The following TRAK1 variants were observed in gnomAD, a reference collection of about 807,000 sequenced individuals.
The protein encoded by TRAK1 is trafficking kinesin-binding protein 1.
In TRAK1, 33 loss-of-function variants were observed where a neutral mutation model predicts 92.1. That is an observed-to-expected ratio of 0.36 (90% CI 0.27 to 0.48). TRAK1 has a LOEUF of 0.48. TRAK1 is among the 20% of genes least tolerant of loss of function. The pLI is 0.99. For synonymous variants in TRAK1, 521 were observed against 517.3 expected (o/e 1.01, Z -0.10); for missense variants, 1,123 against 1,257.9 (o/e 0.89, Z 1.62).
chr3:42,220,845 C>G (rs996136699), intron 15 of TRAK1, among the ~76,000 whole-genome samples: 1 of 152,166 alleles, frequency 6.6e-6, no homozygotes, highest in Admixed American at 6.5e-5. Context: ...TTGTCTCCTC[C>G]GTCTCTCTGC....
chr3:42,050,916 G>C (rs1259205933), intron 1 of TRAK1, among the ~76,000 whole-genome samples: 2 of 152,282 alleles, frequency 1.3e-5, no homozygotes, highest in South Asian at 4.1e-4. Flanking sequence ...GGTCACTTTG[G>C]TGGGAATTAA....
intron 2 of TRAK1, among the ~76,000 whole-genome samples, chr3:42,157,345 AC>A (rs1700653752): frequency 6.7e-6 from 1 of 149,418 alleles, no homozygotes; most frequent in Non-Finnish European, 1.5e-5. Context: ...TGTGGTGCCA[AC>A]TACTTAGGAG....
intron 7 of TRAK1, among the ~76,000 whole-genome samples, chr3:42,191,932 A>G (rs984467269): frequency 5.7e-5 from 6 of 104,568 alleles, no homozygotes; most frequent in South Asian, 3.2e-4. Flanking sequence ...ACAGAGTCTC[A>G]CTCTGTCACC....
intron 1 of TRAK1, among the ~76,000 whole-genome samples, chr3:42,065,677 T>G (rs1703644987): frequency 6.6e-6 from 1 of 152,170 alleles, no homozygotes; most frequent in Non-Finnish European, 1.5e-5. Context: ...TTGTGCAGGC[T>G]GGAGTGCAGT....
intron 2 of TRAK1, among the ~76,000 whole-genome samples, chr3:42,162,609 G>A (rs1190536965): frequency 1.3e-5 from 2 of 152,236 alleles, no homozygotes; most frequent in African/African-American, 4.8e-5. Flanking sequence ...GCACAGCGAT[G>A]CTGTACATAA....
chr3:42,191,566 G>A lies in TRAK1; in HGVS notation c.699G>A (p.Gln233=), dbSNP rs1216233838. The A allele has an allele frequency of 3.8e-6, 6 of 1,595,452 alleles. No individual in the cohort carries two copies. The highest frequency in any genetic ancestry group is 4.3e-6 in the Non-Finnish European group (5 of 1,170,672). Residue 233 remains glutamine (Q), a synonymous_variant, in exon 7 of 16, where the codon CAG becomes CAA. Transcript: ENST00000327628. ...ENVVLRSEAS[Q]LKTETITYEE... ...CTGGGTCTTGTCTACAGGCCAGCCA[G>A]CTGAAGACAGAGACCATCACCTATG...
chr3:42,080,038 T>G (rs1704359004), intron 1 of TRAK1, among the ~76,000 whole-genome samples: 1 of 152,158 alleles, frequency 6.6e-6, no homozygotes, highest in Non-Finnish European at 1.5e-5. Context: ...GGTTGCTCGA[T>G]CCCTTCCTTG....
intron 1 of TRAK1, among the ~76,000 whole-genome samples, chr3:42,057,477 T>C (rs984277980): frequency 1.3e-5 from 2 of 152,154 alleles, no homozygotes; most frequent in African/African-American, 4.8e-5. Flanking sequence ...TGCAGCATGC[T>C]GGAGTAGGGG....
intron 13 of TRAK1, among the ~76,000 whole-genome samples, chr3:42,208,465 G>A (rs1047238796): frequency 3.3e-5 from 5 of 152,062 alleles, no homozygotes; most frequent in Non-Finnish European, 7.4e-5. Context: ...TCACCCCACC[G>A]CCTCCCACCT....
At chr3:42,036,782 G>T (rs1702342563) in intron 1 of TRAK1, among the ~76,000 whole-genome samples, 1 of 152,026 alleles carries the variant, frequency 6.6e-6, no homozygotes, top group Admixed American at 6.6e-5. Context: ...ACAGGGTCTC[G>T]CTCTGTCACC....
At chr3:42,060,510 C>A (rs900781292) in intron 1 of TRAK1, among the ~76,000 whole-genome samples, 1 of 151,680 alleles carries the variant, frequency 6.6e-6, no homozygotes, top group Non-Finnish European at 1.5e-5. Context: ...TTTTTCCAGG[C>A]GTGGTCCCTT....
chr3:42,094,491 G>A (rs375370928), intron 1 of TRAK1, among the ~76,000 whole-genome samples: 15 of 151,952 alleles, frequency 9.9e-5, no homozygotes, highest in African/African-American at 3.1e-4. Context: ...ACTCTCCCAC[G>A]TCCACCTCCC....
chr3:42,140,472 C>T (rs1432276393), intron 2 of TRAK1, among the ~76,000 whole-genome samples: 1 of 152,090 alleles, frequency 6.6e-6, no homozygotes, highest in Non-Finnish European at 1.5e-5. Context: ...ACTAAAAATA[C>T]AAAAATTAGC....
At chr3:42,143,947 C>A (rs758812620) in intron 2 of TRAK1, among the ~76,000 whole-genome samples, 10 of 151,916 alleles carry the variant, frequency 6.6e-5, no homozygotes, top group Non-Finnish European at 1.5e-4. Context: ...GTAAAAATCA[C>A]CCCTAAATGA....
chr3:42,054,638 C>T (rs1703121654), intron 1 of TRAK1, among the ~76,000 whole-genome samples: 1 of 152,234 alleles, frequency 6.6e-6, no homozygotes, highest in South Asian at 2.1e-4. Context: ...CTTTTACCAC[C>T]ATCGTACTTG....
chr3:42,194,267 T>TG (rs1332525204), intron 9 of TRAK1, among the ~76,000 whole-genome samples: 2 of 152,218 alleles, frequency 1.3e-5, no homozygotes, highest in Admixed American at 6.5e-5. Flanking sequence ...CTTTTTGAGA[T>TG]GGGGTCTCAT....
At chr3:42,065,027 A>T (rs1703619369) in intron 1 of TRAK1, among the ~76,000 whole-genome samples, 1 of 152,214 alleles carries the variant, frequency 6.6e-6, no homozygotes, top group African/African-American at 2.4e-5. Context: ...CAGTGAGCTG[A>T]GGTCGCGCCA....
intron 2 of TRAK1, among the ~76,000 whole-genome samples, chr3:42,164,148 A>G (rs140862273): frequency 6.6e-6 from 1 of 152,186 alleles, no homozygotes; most frequent in African/African-American, 2.4e-5. Flanking sequence ...TCCTGAGTTC[A>G]CAGGAAGCCA....
At chr3:42,020,613 T>C (rs1478157315) in intron 1 of TRAK1, among the ~76,000 whole-genome samples, 1 of 152,234 alleles carries the variant, frequency 6.6e-6, no homozygotes, top group Non-Finnish European at 1.5e-5. Flanking sequence ...ATGAACTAAG[T>C]GTATAAGTAC....
Sources: gnomAD v4.1 joint callset for allele counts (sites outside exome capture counted in the v4.1 genomes callset) on GRCh38, gnomAD v4.1.1 for gene constraint, MANE v1.5 for transcripts, NCBI Gene and HGNC (gene_info 2026-07-23, HGNC 2026-07-21) for gene names.